CDH13: variants seen among roughly 807,000 people sequenced by gnomAD.
CDH13 encodes cadherin-13.
In CDH13, 24 loss-of-function variants were observed where a neutral mutation model predicts 63.8. The ratio of observed to expected loss-of-function variants is 0.38; its 90% confidence interval spans 0.27 to 0.53. The LOEUF (loss-of-function observed/expected upper bound fraction) is 0.53, where lower values mean the gene tolerates loss of function less well. Ranked by LOEUF, CDH13 falls within the 20% of genes least tolerant of loss-of-function variation. The pLI, the probability that CDH13 is intolerant of heterozygous loss-of-function variation, is 0.85. For synonymous variants in CDH13, 503 were observed against 355.3 expected, an observed-to-expected ratio of 1.42 and a Z score of -4.67; for missense variants, 1,049 against 903.1, an observed-to-expected ratio of 1.16 and a Z score of -2.07.
intron 3 of CDH13, among the ~76,000 whole-genome samples, chr16:83,060,491 C>T (rs532222754): frequency 9.9e-5 from 15 of 152,164 alleles, no homozygotes; most frequent in Non-Finnish European, 2.1e-4. Context: ...AGGACTTAGG[C>T]TTGTTGCATC....
At chr16:83,062,247 C>G (rs1340786376) in intron 3 of CDH13, among the ~76,000 whole-genome samples, 2 of 152,178 alleles carry the variant, frequency 1.3e-5, no homozygotes, top group African/African-American at 4.8e-5. Flanking sequence ...TTGAGTACCC[C>G]CTGTCAGTTT....
At chr16:83,746,569 G>C (rs895996928) in intron 10 of CDH13, among the ~76,000 whole-genome samples, 1 of 152,184 alleles carries the variant, frequency 6.6e-6, no homozygotes, top group South Asian at 2.1e-4. Context: ...AAGCCCTTCA[G>C]TTGGAGATTT....
chr16:82,856,685 C>G (rs2039711375), intron 1 of CDH13, among the ~76,000 whole-genome samples: 1 of 64,572 alleles, frequency 1.5e-5, no homozygotes, highest in Non-Finnish European at 2.7e-5. Context: ...CATGGCAAGA[C>G]TCGGTCTCAA....
chr16:83,045,593 C>T (rs141423381), intron 3 of CDH13, among the ~76,000 whole-genome samples: 29 of 139,816 alleles, frequency 2.1e-4, no homozygotes, highest in East Asian at 2.1e-4. Flanking sequence ...TCCAAGATCA[C>T]GCCACTGCAG....
intron 1 of CDH13, among the ~76,000 whole-genome samples, chr16:82,674,534 A>G (rs913002237): frequency 1.3e-5 from 2 of 152,206 alleles, no homozygotes; most frequent in Non-Finnish European, 1.5e-5. Flanking sequence ...CTGAGTTGAA[A>G]ATGTCTTCAT....
intron 8 of CDH13, among the ~76,000 whole-genome samples, chr16:83,652,087 A>G (rs142153556): frequency 6.6e-6 from 1 of 152,104 alleles, no homozygotes; most frequent in Non-Finnish European, 1.5e-5. Flanking sequence ...GGACTCAGAA[A>G]CTCCATCAGC....
chr16:82,841,870 C>G (rs931495675), intron 1 of CDH13, among the ~76,000 whole-genome samples: 1 of 152,104 alleles, frequency 6.6e-6, no homozygotes, highest in South Asian at 2.1e-4. Flanking sequence ...CAGCTCTTCA[C>G]AACTCCGTAT....
chr16:83,212,522 C>G (rs1164271978), intron 4 of CDH13, among the ~76,000 whole-genome samples: 1 of 152,164 alleles, frequency 6.6e-6, no homozygotes, highest in Non-Finnish European at 1.5e-5. Flanking sequence ...GAAAAACCAA[C>G]TCTGCTTTCT....
chr16:82,731,059 C>G (rs2033376001), intron 1 of CDH13, among the ~76,000 whole-genome samples: 1 of 152,194 alleles, frequency 6.6e-6, no homozygotes, highest in Admixed American at 6.5e-5. Context: ...TAGCTGCCAG[C>G]ACTTCATTCA....
At chr16:82,927,189 A>C (rs1345350493) in intron 2 of CDH13, among the ~76,000 whole-genome samples, 1 of 152,148 alleles carries the variant, frequency 6.6e-6, no homozygotes, top group Non-Finnish European at 1.5e-5. Context: ...CAAGGGAACA[A>C]GGTAGAAATG....
intron 1 of CDH13, chr16:82,823,436 T>G (rs961010975): frequency 2.0e-5 from 3 of 152,194 alleles, no homozygotes; most frequent in South Asian, 2.1e-4. Flanking sequence ...AAAAGTTGTT[T>G]CATGAATTTG....
intron 10 of CDH13, among the ~76,000 whole-genome samples, chr16:83,705,366 T>C (rs1385071892): frequency 6.6e-6 from 1 of 152,162 alleles, no homozygotes; most frequent in Non-Finnish European, 1.5e-5. Flanking sequence ...CTCACGCCTG[T>C]AATCCTAGCA....
intron 8 of CDH13, among the ~76,000 whole-genome samples, chr16:83,654,294 G>A (rs1181468911): frequency 6.6e-6 from 1 of 152,048 alleles, no homozygotes; most frequent in Non-Finnish European, 1.5e-5. Flanking sequence ...CTATAAGCAT[G>A]TCTGGGGGAA....
chr16:83,307,346 G>C (rs576064495), intron 5 of CDH13, among the ~76,000 whole-genome samples: 18 of 152,196 alleles, frequency 1.2e-4, no homozygotes, highest in Non-Finnish European at 2.1e-4. Context: ...CCTTCTCCTG[G>C]GAAGATAAAG....
chr16:83,293,354 C>G (rs577871443), intron 5 of CDH13, among the ~76,000 whole-genome samples: 2 of 152,122 alleles, frequency 1.3e-5, no homozygotes, highest in South Asian at 4.2e-4. Flanking sequence ...GGTCCTTGCT[C>G]TAATTTGGGA....
At chr16:83,118,287 G>C (rs2035403868) in intron 3 of CDH13, among the ~76,000 whole-genome samples, 1 of 152,234 alleles carries the variant, frequency 6.6e-6, no homozygotes, top group Non-Finnish European at 1.5e-5. Context: ...CACACTGGAA[G>C]TGCGAAGACG....
intron 3 of CDH13, among the ~76,000 whole-genome samples, chr16:83,075,600 C>T (rs894801112): frequency 6.6e-6 from 1 of 152,194 alleles, no homozygotes; most frequent in South Asian, 2.1e-4. Flanking sequence ...TTCAGATGAA[C>T]TTTGATGTTC....
chr16:83,124,071 A>T (rs1229650665), intron 3 of CDH13, among the ~76,000 whole-genome samples: 1 of 151,890 alleles, frequency 6.6e-6, no homozygotes, highest in Non-Finnish European at 1.5e-5. Flanking sequence ...TCTGAGCTGG[A>T]GTCTCGTTCT....
chr16:82,668,084 A>G (rs953158908), intron 1 of CDH13, among the ~76,000 whole-genome samples: 1 of 152,136 alleles, frequency 6.6e-6, no homozygotes, highest in Non-Finnish European at 1.5e-5. Context: ...TAGATGATGT[A>G]GGATGGCTAT....
Sources: gnomAD v4.1 joint callset for allele counts (sites outside exome capture counted in the v4.1 genomes callset) on GRCh38, gnomAD v4.1.1 for gene constraint, MANE v1.5 for transcripts, NCBI Gene and HGNC (gene_info 2026-07-23, HGNC 2026-07-21) for gene names.